The following CCDC117 variants were observed in gnomAD, a reference collection of about 807,000 sequenced individuals.
CCDC117 encodes coiled-coil domain containing 117, also known as coiled-coil domain-containing protein 117.
Under a neutral mutation model 23.5 loss-of-function variants are expected in CCDC117, and 1 was observed. That is an observed-to-expected ratio of 0.04 (90% CI 0.02 to 0.20). CCDC117 has a LOEUF of 0.20. Among genes scored for constraint, CCDC117 ranks in the 10% least tolerant of loss-of-function variants. The pLI is 1.00. For synonymous variants in CCDC117, 132 were observed against 124.8 expected (o/e 1.06, Z -0.39); for missense variants, 383 against 348.2 (o/e 1.10, Z -0.80).
Position 28,783,582 on chromosome 22 carries a change from C to G in CCDC117, c.539C>G (p.Thr180Ser). The change falls in exon 4 of 5, where the codon ACC (threonine) becomes AGC (serine). Residue 180 changes from threonine (T) to serine (S), a missense_variant. By Grantham distance (58) the Thr-to-Ser change is moderately conservative. Transcript: ENST00000249064. ...CTCCCCAGTCTTGTCCTTTCTGATA[C>G]CATGAAAACAGGTTTGAAGAGGGAA... The part of the protein sequence containing the change: ...NHLPSLVLSD[T>S]MKTGLKREFD... 1 of 1,613,542 alleles carries G rather than the reference C, an allele frequency of 6.2e-7. No individual in the cohort carries two copies. The highest frequency in any genetic ancestry group is 1.1e-5 in the South Asian group (1 of 91,060).
chr22:28,779,710 C>G (rs2031265612), intron 2 of CCDC117, among the ~76,000 whole-genome samples: 2 of 152,138 alleles, frequency 1.3e-5, no homozygotes, highest in Admixed American at 1.3e-4. Context: ...TTGGTTTTCA[C>G]AGTCTTAACA....
At chr22:28,777,320 A>G (rs1194365459) in intron 2 of CCDC117, among the ~76,000 whole-genome samples, 2 of 152,124 alleles carry the variant, frequency 1.3e-5, no homozygotes, top group African/African-American at 4.8e-5. Context: ...GTTGTGAGCC[A>G]CTGCGCCTGG....
chr22:28,783,194 C>G (rs2031404995), intron 3 of CCDC117, among the ~76,000 whole-genome samples: 1 of 151,948 alleles, frequency 6.6e-6, no homozygotes. Flanking sequence ...GCATGTGTCA[C>G]CACACCCGAC....
chr22:28,785,025 C>G (rs576489045), intron 4 of CCDC117, among the ~76,000 whole-genome samples: 2 of 152,306 alleles, frequency 1.3e-5, no homozygotes, highest in East Asian at 3.9e-4. Flanking sequence ...CCTCTTCGGC[C>G]TCCCAAAGTG....
intron 4 of CCDC117, among the ~76,000 whole-genome samples, chr22:28,784,083 A>G (rs1569200117): frequency 6.6e-6 from 1 of 152,262 alleles, no homozygotes; most frequent in African/African-American, 2.4e-5. Flanking sequence ...AACAAAGCTC[A>G]TATTCTTGGC....
At chr22:28,774,965 T>A (rs1473697716) in intron 2 of CCDC117, among the ~76,000 whole-genome samples, 1 of 152,072 alleles carries the variant, frequency 6.6e-6, no homozygotes, top group Non-Finnish European at 1.5e-5. Flanking sequence ...TAATTTCTCT[T>A]TCAATAGTTG....
At chr22:28,778,047 C>T (rs992552639) in intron 2 of CCDC117, among the ~76,000 whole-genome samples, 2 of 151,322 alleles carry the variant, frequency 1.3e-5, no homozygotes, top group African/African-American at 2.4e-5. Context: ...GGGTTTCACC[C>T]TGTTAGCCAG....
chr22:28,781,685 C>T (rs1458264367), intron 3 of CCDC117, among the ~76,000 whole-genome samples: 1 of 151,744 alleles, frequency 6.6e-6, no homozygotes, highest in Non-Finnish European at 1.5e-5. Flanking sequence ...TGCTCGTTAC[C>T]TAGGCTGGAG....
rs1466487761 is a variant in CCDC117, at chr22:28,787,683, G to A, written c.*1357G>A. On this transcript the variant is annotated 3_prime_UTR_variant, in exon 5 of 5. Coordinates refer to ENST00000249064, the MANE Select transcript of CCDC117 (RefSeq NM_173510.4). ...AGGTTTGAAATTTTTAGTTTCTCAG[G>A]AAGAGCTCTTCTATGTGGCAGGGGC... 1 of 152,472 alleles carries A rather than the reference G, an allele frequency of 6.6e-6. No homozygotes were observed. Among genetic ancestry groups the A allele is most frequent in the Non-Finnish European group, 1.5e-5 (1 of 68,022 alleles). 9.4% of individuals were successfully genotyped at this position (152,472 alleles called of 1,614,324 possible). A position where few individuals can be genotyped will look rare whatever the true frequency, so the allele number is the denominator to read the frequency against.
chr22:28,779,886 C>T (rs1481917233), intron 2 of CCDC117, among the ~76,000 whole-genome samples: 1 of 152,180 alleles, frequency 6.6e-6, no homozygotes, highest in Admixed American at 6.6e-5. Context: ...TTTTGGTCTA[C>T]GTACATAATA....
chr22:28,772,858 G>T lies in CCDC117; in HGVS notation c.9G>T (p.Ala3=). MA[A]LGRPFSGLPL... Reference sequence around the variant, plus strand: ...TCCTCGTCTCGCCGGCTATGGCTGCGCTCGGCCGGCCCTTCAGCGGCCTCC... The same window carrying T: ...TCCTCGTCTCGCCGGCTATGGCTGCTCTCGGCCGGCCCTTCAGCGGCCTCC... The change falls in exon 1 of 5, where the codon GCG becomes GCT. Residue 3 remains alanine, a synonymous_variant. Coordinates refer to ENST00000249064, the MANE Select transcript of CCDC117 (RefSeq NM_173510.4). 1 of 1,231,214 alleles carries T rather than the reference G, an allele frequency of 8.1e-7. No homozygotes were observed. 76.3% of individuals were successfully genotyped at this position (1,231,214 alleles called of 1,614,324 possible).
chr22:28,787,123 A>G lies in CCDC117; in HGVS notation c.*797A>G, dbSNP rs2031536876. 1 of 152,586 alleles carries G rather than the reference A, an allele frequency of 6.6e-6. No individual in the cohort carries two copies. The highest frequency in any genetic ancestry group is 1.5e-5 in the Non-Finnish European group (1 of 68,024). The allele number at this position is 152,586 out of a possible 1,614,324, so 9.5% of individuals were successfully genotyped here. ...AGCATCCTTTAGTTCATCTTAAGGA[A>G]GTGCTTTATCAGCTAAACCCAACAT... On this transcript the variant is annotated 3_prime_UTR_variant, in exon 5 of 5. Transcript: ENST00000249064.
At chr22:28,777,744 A>G (rs1159864383) in intron 2 of CCDC117, among the ~76,000 whole-genome samples, 2 of 151,280 alleles carry the variant, frequency 1.3e-5, no homozygotes, top group South Asian at 2.1e-4. Flanking sequence ...CCTTGACCTC[A>G]TGATCCACCC....
At chr22:28,774,989 C>T (rs904839973) in intron 2 of CCDC117, among the ~76,000 whole-genome samples, 2 of 152,072 alleles carry the variant, frequency 1.3e-5, no homozygotes, top group African/African-American at 4.8e-5. Flanking sequence ...GGAGGCCAGG[C>T]GTGGTGGCTC....
At position 28,772,739 on chromosome 22, in the gene CCDC117, G is replaced by C. The variant is rs2031018100; in HGVS notation, c.-111G>C. On this transcript the variant is annotated 5_prime_UTR_variant, in exon 1 of 5. Transcript: ENST00000249064. ...GTTCTAGAAGGCGTGACGTGGGGTC[G>C]AGAGCGGGATCCGAGGCTGGCGGGT... The C allele has an allele frequency of 2.3e-6, 2 of 868,518 alleles. No individual in the cohort carries two copies. Among genetic ancestry groups the C allele is most frequent in the African/African-American group, 1.8e-5 (1 of 56,524 alleles). The allele number at this position is 868,518 out of a possible 1,614,324, so 53.8% of individuals were successfully genotyped here.
chr22:28,785,989 A>C lies in CCDC117; in HGVS notation c.603-100A>C, dbSNP rs1369652646. The C allele has an allele frequency of 9.1e-6, 7 of 769,484 alleles. No individual in the cohort carries two copies. In the East Asian group the frequency reaches 1.7e-4, roughly 19 times the overall value. 47.7% of individuals were successfully genotyped at this position (769,484 alleles called of 1,614,324 possible). ...GTTCTAAATCTCCTGTTTTGCTATC[A>C]TCAGTCCTTAAGATACTAGGTAATG... On this transcript the variant is annotated intron_variant, in intron 4 of 4. Coordinates refer to ENST00000249064, the MANE Select transcript of CCDC117 (RefSeq NM_173510.4).
rs1279996960 is a variant in CCDC117 at position 28,781,164 on chromosome 22, T to G, written c.456T>G (p.Ile152Met). 1.2e-6 allele frequency: 2 copies of G among 1,609,440 alleles called. No homozygotes were observed. Among genetic ancestry groups the G allele is most frequent in the African/African-American group, 1.3e-5 (1 of 74,816 alleles). ...CEVARRKLQE[I>M]EDRIIDEDEE... is the part of the protein sequence containing the mutation. The stretch of plus-strand genomic sequence containing the variant: ...TTGCCCGAAGGAAGCTTCAGGAGAT[T>G]GAGGACAGGTAAATGGGCAGTGTAT... The change falls in exon 3 of 5, where the codon ATT becomes ATG. Residue 152 changes from isoleucine (I) to methionine (M), a missense_variant. Physicochemically the swap from Ile to Met is conservative, Grantham distance 10 (BLOSUM62 1). Coordinates refer to ENST00000249064, the MANE Select transcript of CCDC117 (RefSeq NM_173510.4).
In CCDC117 at chr22:28,772,817, G is replaced by A. The variant is rs2031023530; in HGVS notation, c.-33G>A. On this transcript the variant is annotated 5_prime_UTR_variant, in exon 1 of 5. Transcript: ENST00000249064. ...CGGGCCTGGGGACGCGGGCGGCCGA[G>A]GCCGCCGTCGCAGCCTCCTCGTCTC... is the stretch of plus-strand genomic sequence containing the variant. 2.5e-6 allele frequency: 3 copies of A among 1,220,882 alleles called. No homozygotes were observed. The highest frequency in any genetic ancestry group is 4.0e-5 in the South Asian group (1 of 24,906). 75.6% of individuals were successfully genotyped at this position (1,220,882 alleles called of 1,614,324 possible). A position where few individuals can be genotyped will look rare whatever the true frequency, so the allele number is the denominator to read the frequency against.
chr22:28,776,869 C>G (rs550000410), intron 2 of CCDC117, among the ~76,000 whole-genome samples: 149 of 152,224 alleles, frequency 9.8e-4, no homozygotes, highest in Non-Finnish European at 1.6e-3. Flanking sequence ...CAGGCGTGAG[C>G]CACCGCACCC....
Sources: gnomAD v4.1 joint callset for allele counts (sites outside exome capture counted in the v4.1 genomes callset) on GRCh38, gnomAD v4.1.1 for gene constraint, MANE v1.5 for transcripts, NCBI Gene and HGNC (gene_info 2026-07-23, HGNC 2026-07-21) for gene names.